The following CLCN3 variants were observed in gnomAD, a reference collection of about 807,000 sequenced individuals.
The protein encoded by CLCN3 is H(+)/Cl(-) exchange transporter 3.
In CLCN3, 16 loss-of-function variants were observed where a neutral mutation model predicts 83.4. That is an observed-to-expected ratio of 0.19 (90% CI 0.13 to 0.29). The LOEUF is 0.29. Among genes scored for constraint, CLCN3 ranks in the 10% least tolerant of loss-of-function variants. CLCN3 has a pLI of 1.00. For synonymous variants in CLCN3, 322 were observed against 346.2 expected (o/e 0.93, Z 0.78); for missense variants, 544 against 1,006.0 (o/e 0.54, Z 6.21).
intron 1 of CLCN3, among the ~76,000 whole-genome samples, chr4:169,631,557 G>C (rs1773371539): frequency 6.6e-6 from 1 of 152,302 alleles, no homozygotes; most frequent in African/African-American, 2.4e-5. Context: ...CAAAGTGCTG[G>C]GGTTACAGGC....
rs976308997 is a variant in CLCN3, at chr4:169,714,289, T to G, written c.2366+994T>G. ...AGAATCATAGCAGTTTTTTGTTGTT[T>G]TTTTTTTTTAACATGTTGTAGAAAA... On this transcript the variant is annotated intron_variant, in intron 12 of 12. Transcript: ENST00000513761. Among the ~76,000 whole-genome samples the G allele has an allele frequency of 1.9e-4, 29 of 151,900 alleles. 1 individual carries two copies. The highest frequency in any genetic ancestry group is 9.6e-4 in the East Asian group (5 of 5,202).
intron 9 of CLCN3, among the ~76,000 whole-genome samples, chr4:169,698,172 A>G (rs1732640444): frequency 6.6e-6 from 1 of 152,210 alleles, no homozygotes; most frequent in South Asian, 2.1e-4. Flanking sequence ...AGAGGCATGG[A>G]GTGCATAATA....
At chr4:169,673,354 C>T (rs1267343141) in intron 2 of CLCN3, among the ~76,000 whole-genome samples, 1 of 152,152 alleles carries the variant, frequency 6.6e-6, no homozygotes, top group African/African-American at 2.4e-5. Context: ...AGACACATGC[C>T]TAATGTAAAT....
chr4:169,691,222 T>C (rs960548111), intron 6 of CLCN3, among the ~76,000 whole-genome samples: 3 of 152,074 alleles, frequency 2.0e-5, no homozygotes, highest in Admixed American at 1.3e-4. Flanking sequence ...TTCACCATGT[T>C]GGCCAGGCTG....
chr4:169,656,519 T>C (rs951229017), intron 2 of CLCN3, among the ~76,000 whole-genome samples: 3 of 152,054 alleles, frequency 2.0e-5, no homozygotes, highest in Admixed American at 6.5e-5. Flanking sequence ...GCCTCCAACA[T>C]TGGGGATTAC....
chr4:169,627,768 A>G (rs1773270423), intron 1 of CLCN3, among the ~76,000 whole-genome samples: 1 of 152,186 alleles, frequency 6.6e-6, no homozygotes, highest in Non-Finnish European at 1.5e-5. Flanking sequence ...TACATTTGTT[A>G]TTTATTCATA....
chr4:169,707,822 T>A (rs971594575), intron 11 of CLCN3, among the ~76,000 whole-genome samples: 1 of 152,194 alleles, frequency 6.6e-6, no homozygotes, highest in Non-Finnish European at 1.5e-5. Flanking sequence ...AACGTATCAG[T>A]CCTGTTGTGT....
At chr4:169,634,940 A>C (rs1773467474) in intron 1 of CLCN3, among the ~76,000 whole-genome samples, 1 of 152,198 alleles carries the variant, frequency 6.6e-6, no homozygotes, top group Non-Finnish European at 1.5e-5. Context: ...CTAAAACTTC[A>C]TAAATACCTT....
intron 3 of CLCN3, among the ~76,000 whole-genome samples, 188 bp from the exon 4 acceptor site, chr4:169,687,470 A>T (rs1285309483): frequency 6.6e-6 from 1 of 152,210 alleles, no homozygotes; most frequent in Admixed American, 6.5e-5. Flanking sequence ...GGGTAAAGAC[A>T]TGTAGTCTGG....
At chr4:169,684,750 A>ACTAAACTT (rs1291519021) in intron 3 of CLCN3, among the ~76,000 whole-genome samples, 7 of 152,120 alleles carry the variant, frequency 4.6e-5, no homozygotes, top group Admixed American at 4.6e-4. Context: ...TAACTATGGG[A>ACTAAACTT]CTAAACTTCT....
At chr4:169,647,723 G>T (rs1377138951) in intron 2 of CLCN3, among the ~76,000 whole-genome samples, 1 of 152,098 alleles carries the variant, frequency 6.6e-6, no homozygotes, top group Admixed American at 6.6e-5. Flanking sequence ...TAAATATGAG[G>T]CAAAAGAGAC....
intron 5 of CLCN3, 54 bp from the exon 6 acceptor site, chr4:169,690,476 C>A: frequency 6.4e-7 from 1 of 1,568,250 alleles, no homozygotes; most frequent in Non-Finnish European, 8.7e-7. Flanking sequence ...CAAGCATTTG[C>A]ATTAGAGGTG....
intron 2 of CLCN3, among the ~76,000 whole-genome samples, chr4:169,644,604 T>C (rs2150208399): frequency 6.6e-6 from 1 of 152,346 alleles, no homozygotes; most frequent in South Asian, 2.1e-4. Context: ...TATCAAGCTG[T>C]CTTCCTCACT....
At chr4:169,707,859 G>T (rs1733053186) in intron 11 of CLCN3, among the ~76,000 whole-genome samples, 4 of 152,132 alleles carry the variant, frequency 2.6e-5, no homozygotes, top group Admixed American at 2.6e-4. Flanking sequence ...TGAAAATACT[G>T]TTTAAAGGTA....
At chr4:169,671,595 C>A (rs1260468132) in intron 2 of CLCN3, among the ~76,000 whole-genome samples, 1 of 152,108 alleles carries the variant, frequency 6.6e-6, no homozygotes, top group Non-Finnish European at 1.5e-5. Flanking sequence ...GAACATGTAT[C>A]CCAGAACTTA....
intron 2 of CLCN3, among the ~76,000 whole-genome samples, chr4:169,652,577 T>A (rs1271851987): frequency 1.3e-5 from 2 of 152,224 alleles, no homozygotes; most frequent in Non-Finnish European, 2.9e-5. Context: ...TTTTGGTGGT[T>A]ACTAACAATG....
intron 2 of CLCN3, among the ~76,000 whole-genome samples, chr4:169,668,178 T>C (rs950959908): frequency 2.0e-5 from 3 of 151,366 alleles, no homozygotes; most frequent in Non-Finnish European, 2.9e-5. Context: ...TTGTTTTTTG[T>C]TTGTTATTTG....
At chr4:169,707,607 A>G (rs1211672846) in intron 11 of CLCN3, among the ~76,000 whole-genome samples, 2 of 152,206 alleles carry the variant, frequency 1.3e-5, no homozygotes, top group East Asian at 3.8e-4. Flanking sequence ...TCAGTCAAAT[A>G]CATTCTTGTA....
At chr4:169,632,477 A>C (rs1773397477) in intron 1 of CLCN3, among the ~76,000 whole-genome samples, 1 of 152,034 alleles carries the variant, frequency 6.6e-6, no homozygotes, top group African/African-American at 2.4e-5. Flanking sequence ...GGCCTGTAAT[A>C]CCAGCAATTT....
Sources: gnomAD v4.1 joint callset for allele counts (sites outside exome capture counted in the v4.1 genomes callset) on GRCh38, gnomAD v4.1.1 for gene constraint, MANE v1.5 for transcripts, NCBI Gene and HGNC (gene_info 2026-07-23, HGNC 2026-07-21) for gene names.